The following LSAMP variants were observed in gnomAD, a reference collection of about 807,000 sequenced individuals.
The protein encoded by LSAMP is limbic system-associated membrane protein.
A neutral mutation model predicts 38.6 loss-of-function variants in LSAMP; 7 were observed. The ratio of observed to expected loss-of-function variants is 0.18; its 90% confidence interval spans 0.10 to 0.34. The LOEUF (loss-of-function observed/expected upper bound fraction) is 0.34. Among genes scored for constraint, LSAMP ranks in the 10% least tolerant of loss-of-function variants. LSAMP has a pLI of 1.00. For synonymous variants in LSAMP, 154 were observed against 166.8 expected (o/e 0.92, Z 0.59); for missense variants, 313 against 420.0 (o/e 0.75, Z 2.23).
At chr3:116,256,177 T>G (rs2046748088) in intron 1 of LSAMP, among the ~76,000 whole-genome samples, 1 of 152,192 alleles carries the variant, frequency 6.6e-6, no homozygotes, top group African/African-American at 2.4e-5. Flanking sequence ...ATTGTATGCC[T>G]CCCTGGTTCA....
At position 115,807,025 on chromosome 3, in the gene LSAMP, C is replaced by T. The variant is rs1361335475; in HGVS notation, c.*3292G>A. On this transcript the variant is annotated 3_prime_UTR_variant, in exon 7 of 7. Coordinates refer to ENST00000490035, the MANE Select transcript of LSAMP (RefSeq NM_002338.5). ...TACAAAGGATATTAAATATATTAGC[C>T]ACTCAGATTAATTGATGAATTTCAC... 1.3e-5 allele frequency: 2 copies of T among 152,104 alleles called. No homozygotes were observed. Among genetic ancestry groups the T allele is most frequent in the African/African-American group, 4.8e-5 (2 of 41,398 alleles). 9.4% of individuals were successfully genotyped at this position (152,104 alleles called of 1,614,324 possible). A position where few individuals can be genotyped will look rare whatever the true frequency, so the allele number is the denominator to read the frequency against.
chr3:116,270,596 A>AT (rs962223141), intron 1 of LSAMP, among the ~76,000 whole-genome samples: 7 of 152,082 alleles, frequency 4.6e-5, no homozygotes, highest in African/African-American at 1.7e-4. Context: ...GTCCAAGATA[A>AT]TGTATTCCTA....
At chr3:116,141,428 T>G (rs1709367988) in intron 1 of LSAMP, among the ~76,000 whole-genome samples, 1 of 151,570 alleles carries the variant, frequency 6.6e-6, no homozygotes, top group Admixed American at 6.6e-5. Context: ...AAAAAAAAAG[T>G]AGCACATTCT....
intron 1 of LSAMP, among the ~76,000 whole-genome samples, chr3:116,266,918 A>T (rs1396405870): frequency 1.3e-5 from 2 of 152,118 alleles, no homozygotes; most frequent in Non-Finnish European, 2.9e-5. Context: ...AATAACCAAC[A>T]CTTACTGGAG....
intron 3 of LSAMP, among the ~76,000 whole-genome samples, chr3:116,008,777 G>A (rs1940240494): frequency 6.6e-6 from 1 of 152,016 alleles, no homozygotes; most frequent in African/African-American, 2.4e-5. Context: ...GTAGGAACGT[G>A]GGGAAAGGTC....
chr3:116,218,453 G>T (rs139916193), intron 1 of LSAMP, among the ~76,000 whole-genome samples: 1 of 151,906 alleles, frequency 6.6e-6, no homozygotes, highest in Admixed American at 6.6e-5. Flanking sequence ...ACCACTCCTC[G>T]CCACCACTGA....
At chr3:116,178,370 G>A (rs528944595) in intron 1 of LSAMP, among the ~76,000 whole-genome samples, 7 of 152,186 alleles carry the variant, frequency 4.6e-5, no homozygotes, top group African/African-American at 7.2e-5. Context: ...GTTTTACCAC[G>A]TTGGCCAGGC....
At chr3:116,135,737 C>A (rs938144181) in intron 1 of LSAMP, among the ~76,000 whole-genome samples, 1 of 152,128 alleles carries the variant, frequency 6.6e-6, no homozygotes, top group Non-Finnish European at 1.5e-5. Flanking sequence ...ATTAGTGGTA[C>A]CTCCTTCATT....
intron 1 of LSAMP, among the ~76,000 whole-genome samples, chr3:116,422,248 T>G (rs778604882): frequency 2.8e-4 from 42 of 152,230 alleles, no homozygotes; most frequent in Middle Eastern, 3.2e-3. Flanking sequence ...TAGCCCTTCA[T>G]AGCTGTGGGT....
chr3:116,445,487 C>A lies in LSAMP; in HGVS notation c.-456G>T. 4.9e-6 allele frequency: 2 copies of A among 409,514 alleles called. No individual in the cohort carries two copies. Among genetic ancestry groups the A allele is most frequent in the Non-Finnish European group, 8.6e-6 (2 of 233,650 alleles). 25.4% of individuals were successfully genotyped at this position (409,514 alleles called of 1,614,324 possible). ...TGAGTGTACAGAAACAGCCACACAG[C>A]AGCAGCAGCAGCAGAAGCAGCAGCA... On this transcript the variant is annotated 5_prime_UTR_variant, in exon 1 of 7. Transcript: ENST00000490035.
chr3:116,311,867 TTTTGA>T (rs1305229460), intron 1 of LSAMP, among the ~76,000 whole-genome samples: 1 of 152,200 alleles, frequency 6.6e-6, no homozygotes, highest in Non-Finnish European at 1.5e-5. Context: ...AATAAATACC[TTTTGA>T]TTTAACTAAG....
chr3:116,383,710 C>G (rs756498856), intron 1 of LSAMP, among the ~76,000 whole-genome samples: 1 of 151,484 alleles, frequency 6.6e-6, no homozygotes, highest in Non-Finnish European at 1.5e-5. Flanking sequence ...CACACAGGAT[C>G]TCCATGTGAG....
intron 1 of LSAMP, among the ~76,000 whole-genome samples, chr3:116,407,931 T>C (rs1440133298): frequency 6.6e-6 from 1 of 152,024 alleles, no homozygotes; most frequent in Admixed American, 6.6e-5. Flanking sequence ...CTATTTTATA[T>C]AGTATTAAAA....
chr3:116,275,317 T>C (rs1006330793), intron 1 of LSAMP, among the ~76,000 whole-genome samples: 3 of 152,052 alleles, frequency 2.0e-5, no homozygotes, highest in African/African-American at 7.2e-5. Flanking sequence ...CCTCCCAAAG[T>C]ACTGGGATTA....
intron 1 of LSAMP, among the ~76,000 whole-genome samples, chr3:116,239,433 A>G (rs562260394): frequency 2.4e-4 from 37 of 152,372 alleles, no homozygotes; most frequent in African/African-American, 8.7e-4. Context: ...ACATTTCAGC[A>G]ATAAAAAGAT....
chr3:116,257,195 T>C (rs2046763299), intron 1 of LSAMP, among the ~76,000 whole-genome samples: 1 of 152,204 alleles, frequency 6.6e-6, no homozygotes, highest in East Asian at 1.9e-4. Flanking sequence ...CCAAGCGTTA[T>C]AGTTACAGGG....
At chr3:115,937,776 TG>T (rs1937757037) in intron 3 of LSAMP, among the ~76,000 whole-genome samples, 2 of 1,366 alleles carry the variant, frequency 1.5e-3, no homozygotes, top group South Asian at 0.25. Flanking sequence ...GCATGCTAAA[TG>T]ATATTGGCTA....
intron 3 of LSAMP, among the ~76,000 whole-genome samples, chr3:115,901,931 T>C (rs1936885082): frequency 6.6e-6 from 1 of 152,090 alleles, no homozygotes; most frequent in South Asian, 2.1e-4. Context: ...CAGATAACTA[T>C]TTCTGGTAAA....
At chr3:115,823,957 T>G (rs1038528164) in intron 6 of LSAMP, among the ~76,000 whole-genome samples, 1 of 152,230 alleles carries the variant, frequency 6.6e-6, no homozygotes. Flanking sequence ...ATTATGGGCT[T>G]TGCTCAATGG....
Sources: allele counts gnomAD v4.1 joint callset (sites outside exome capture counted in the v4.1 genomes callset), GRCh38; gene constraint gnomAD v4.1.1; transcripts MANE v1.5; gene names NCBI Gene and HGNC (gene_info 2026-07-23, HGNC 2026-07-21).